The following ZBTB20 variants were observed in gnomAD, a reference collection of about 807,000 sequenced individuals.
The protein encoded by ZBTB20 is zinc finger and BTB domain containing 20.
A neutral mutation model predicts 56.9 loss-of-function variants in ZBTB20; 9 were observed. That is an observed-to-expected ratio of 0.16 (90% confidence interval 0.10 to 0.28). ZBTB20 has a LOEUF of 0.28. ZBTB20 is among the 10% of genes least tolerant of loss of function. The pLI is 1.00. For synonymous variants in ZBTB20, 417 were observed against 420.7 expected, an observed-to-expected ratio of 0.99 and a Z score of 0.11; for missense variants, 655 against 1,003.0, an observed-to-expected ratio of 0.65 and a Z score of 4.69.
chr3:115,130,238 T>A (rs1225318853), intron 1 of ZBTB20, among the ~76,000 whole-genome samples: 1 of 152,240 alleles, frequency 6.6e-6, no homozygotes, highest in Non-Finnish European at 1.5e-5. Flanking sequence ...CTTTCATTTC[T>A]GCATTCTGTT....
intron 7 of ZBTB20, among the ~76,000 whole-genome samples, chr3:114,462,915 A>G (rs991436526): frequency 6.6e-6 from 1 of 152,008 alleles, no homozygotes; most frequent in African/African-American, 2.4e-5. Context: ...TGGCCTGAGG[A>G]CTCGTCCTTC....
At chr3:115,074,685 T>C (rs1049268246) in intron 1 of ZBTB20, among the ~76,000 whole-genome samples, 5 of 152,170 alleles carry the variant, frequency 3.3e-5, no homozygotes, top group African/African-American at 1.2e-4. Flanking sequence ...AAAAGGAAAT[T>C]AACAAGGTTA....
chr3:114,749,902 T>C (rs1170525018), intron 5 of ZBTB20, among the ~76,000 whole-genome samples: 1 of 152,194 alleles, frequency 6.6e-6, no homozygotes. Flanking sequence ...ACTCAATACA[T>C]GGCAGCCAAA....
intron 1 of ZBTB20, among the ~76,000 whole-genome samples, chr3:115,111,016 A>ATAAG (rs2083865436): frequency 7.1e-6 from 1 of 141,780 alleles, no homozygotes; most frequent in Non-Finnish European, 1.6e-5. Context: ...AAATAAATAA[A>ATAAG]TAAATAAATA....
intron 1 of ZBTB20, among the ~76,000 whole-genome samples, chr3:115,122,038 AT>A (rs772805479): frequency 6.6e-6 from 1 of 152,110 alleles, no homozygotes; most frequent in Non-Finnish European, 1.5e-5. Context: ...TCTTCTGAGC[AT>A]TTAGAATCAT....
chr3:115,145,953 G>A (rs975224934), intron 1 of ZBTB20, among the ~76,000 whole-genome samples: 3 of 152,284 alleles, frequency 2.0e-5, no homozygotes, highest in East Asian at 3.9e-4. Flanking sequence ...TAGCTGAAAT[G>A]TATACACCGC....
chr3:114,726,381 G>A (rs2065282250), intron 5 of ZBTB20, among the ~76,000 whole-genome samples: 1 of 152,152 alleles, frequency 6.6e-6, no homozygotes, highest in South Asian at 2.1e-4. Flanking sequence ...GTTTCTGGTA[G>A]AATTTTTAAT....
chr3:114,844,860 C>CTTTTTT (rs11396350), intron 4 of ZBTB20, among the ~76,000 whole-genome samples: 11 of 130,400 alleles, frequency 8.4e-5, no homozygotes, highest in Admixed American at 2.4e-4. Context: ...TTTTCTTTTT[C>CTTTTTT]TTTTTTTTTT....
intron 7 of ZBTB20, among the ~76,000 whole-genome samples, chr3:114,465,995 T>C (rs912733077): frequency 6.6e-6 from 1 of 152,100 alleles, no homozygotes; most frequent in African/African-American, 2.4e-5. Context: ...CATTTGTGTG[T>C]GTGCATTATG....
intron 6 of ZBTB20, among the ~76,000 whole-genome samples, chr3:114,608,655 T>C (rs1221781910): frequency 6.6e-6 from 1 of 152,230 alleles, no homozygotes; most frequent in Non-Finnish European, 1.5e-5. Context: ...GTTTTCAGGA[T>C]TAGCAAAAAG....
At chr3:114,398,613 G>A (rs1191570422) in intron 7 of ZBTB20, among the ~76,000 whole-genome samples, 2 of 152,106 alleles carry the variant, frequency 1.3e-5, no homozygotes, top group East Asian at 1.9e-4. Context: ...ACCAAATGGC[G>A]ATAAGATTAA....
At chr3:114,520,152 G>T (rs1286633569) in intron 6 of ZBTB20, 4 of 151,986 alleles carry the variant, frequency 2.6e-5, no homozygotes, top group Admixed American at 6.6e-5. Context: ...AAGAAAAAAA[G>T]AATAAAGATG....
intron 6 of ZBTB20, among the ~76,000 whole-genome samples, chr3:114,625,639 A>C (rs1054871348): frequency 1.3e-5 from 2 of 152,114 alleles, no homozygotes; most frequent in Non-Finnish European, 2.9e-5. Flanking sequence ...TAGAGAAAAG[A>C]GAGTTACCAG....
intron 6 of ZBTB20, among the ~76,000 whole-genome samples, chr3:114,645,858 G>C (rs1177226560): frequency 6.6e-6 from 1 of 152,074 alleles, no homozygotes; most frequent in Non-Finnish European, 1.5e-5. Flanking sequence ...TAAAGCAGGA[G>C]ATATTTCATT....
In ZBTB20 at chr3:114,380,916, C is replaced by T. The variant is rs1402839176; in HGVS notation, c.-129G>A. The T allele has an allele frequency of 1.5e-6, 1 of 669,798 alleles. No homozygotes were observed. Among genetic ancestry groups the T allele is most frequent in the Non-Finnish European group, 2.2e-6 (1 of 450,072 alleles). The allele number at this position is 669,798 out of a possible 1,614,324, so 41.5% of individuals were successfully genotyped here. A position where few individuals can be genotyped will look rare whatever the true frequency, so the allele number is the denominator to read the frequency against. ...GTGTGGCCTTGGGCACCTCACTTCA[C>T]CTCTCTGGGCTTCAGTTTCCTCATC... On this transcript the variant is annotated 5_prime_UTR_variant, in exon 9 of 12. It adds an upstream start codon to the 5' untranslated region. Transcript: ENST00000675478.
chr3:114,545,122 C>G (rs1357859205), intron 6 of ZBTB20, among the ~76,000 whole-genome samples: 1 of 152,152 alleles, frequency 6.6e-6, no homozygotes, highest in Non-Finnish European at 1.5e-5. Context: ...GGACGGAAAA[C>G]CCGCTTTGGA....
At chr3:114,630,066 G>A (rs1407701138) in intron 6 of ZBTB20, among the ~76,000 whole-genome samples, 2 of 152,156 alleles carry the variant, frequency 1.3e-5, no homozygotes, top group Non-Finnish European at 2.9e-5. Flanking sequence ...CTTGATTCCA[G>A]GAGGTTGAGG....
intron 7 of ZBTB20, among the ~76,000 whole-genome samples, chr3:114,475,671 A>G (rs1022318437): frequency 6.6e-6 from 1 of 152,216 alleles, no homozygotes; most frequent in Non-Finnish European, 1.5e-5. Flanking sequence ...ATGAGAACTA[A>G]AGATATAGCA....
intron 6 of ZBTB20, among the ~76,000 whole-genome samples, chr3:114,545,133 T>A (rs2049715605): frequency 6.6e-6 from 1 of 152,198 alleles, no homozygotes; most frequent in South Asian, 2.1e-4. Flanking sequence ...CCGCTTTGGA[T>A]ATGTATGCTT....
Sources: gnomAD v4.1 joint callset for allele counts (sites outside exome capture counted in the v4.1 genomes callset) on GRCh38, gnomAD v4.1.1 for gene constraint, MANE v1.5 for transcripts, NCBI Gene and HGNC (gene_info 2026-07-23, HGNC 2026-07-21) for gene names.